HTR2C: variants seen among roughly 807,000 people sequenced by gnomAD.
HTR2C encodes the protein 5-hydroxytryptamine receptor 2C.
In HTR2C, 5 loss-of-function variants were observed where a neutral mutation model predicts 21.0. The ratio of observed to expected loss-of-function variants is 0.24; its 90% confidence interval spans 0.12 to 0.50. The LOEUF is 0.50. Among genes scored for constraint, HTR2C ranks in the 20% least tolerant of loss-of-function variants. HTR2C has a pLI of 0.98. For missense variants in HTR2C, 271 were observed against 371.2 expected (o/e 0.73, Z 2.22); for synonymous variants, 150 against 145.3 (o/e 1.03, Z -0.23).
At chrX:114,857,199 A>T (rs1435219440) in intron 5 of HTR2C, among the ~76,000 whole-genome samples, 1 of 110,955 alleles carries the variant, frequency 9.0e-6, no homozygotes, top group African/African-American at 3.3e-5. Context: ...GTTCTTCCCC[A>T]GGATTCTGTT....
chrX:114,721,105 A>G (rs1933186940), intron 2 of HTR2C, among the ~76,000 whole-genome samples: 1 of 66,982 alleles, frequency 1.5e-5, no homozygotes, highest in Non-Finnish European at 2.7e-5. Flanking sequence ...GACTTCCACA[A>G]TGGTTGAACT....
In HTR2C at chrX:114,623,911, T is replaced by TG. The variant is rs1465273328; in HGVS notation, c.-80+10030_-80+10031insG. The stretch of plus-strand genomic sequence containing the variant: ...TTGTCTCTTTTTTTGTTGTTGTTTT[T>TG]TTTTTTTTTTTTTTTGAGACAGAGT... On this transcript the variant is annotated intron_variant, in intron 2 of 5. Transcript: ENST00000276198. Among the ~76,000 whole-genome samples the TG allele has an allele frequency of 6.0e-3, 568 of 93,912 alleles. 3 individuals are homozygous for TG. Among genetic ancestry groups the TG allele is most frequent in the Non-Finnish European group, 0.011 (507 of 47,192 alleles). 81.6% of individuals were successfully genotyped at this position (93,912 alleles called of 115,157 possible). A position where few individuals can be genotyped will look rare whatever the true frequency, so the allele number is the denominator to read the frequency against.
rs145320604 is a variant in HTR2C, at chrX:114,816,865, G to A, written c.350-31138G>A. 6.7e-3 allele frequency among the ~76,000 whole-genome samples: 734 copies of A among 109,641 alleles called. 8 individuals carry two copies. The highest frequency in any genetic ancestry group is 0.023 in the African/African-American group (707 of 30,359). On this transcript the variant is annotated intron_variant, in intron 4 of 5. Coordinates refer to ENST00000276198, the MANE Select transcript of HTR2C (RefSeq NM_000868.4). ...ATTCTGGGAAGATGAAAATGTTGAC[G>A]ATTTAAAACCTATTCAAAGAAAAAC...
At chrX:114,668,973 C>T (rs1356854777) in intron 2 of HTR2C, among the ~76,000 whole-genome samples, 2 of 110,721 alleles carry the variant, frequency 1.8e-5, no homozygotes, top group Non-Finnish European at 3.8e-5. Flanking sequence ...AGGGTGGTGG[C>T]ACTGTTGACA....
intron 2 of HTR2C, among the ~76,000 whole-genome samples, chrX:114,686,826 C>G (rs1861154440): frequency 9.1e-6 from 1 of 110,342 alleles, no homozygotes; most frequent in African/African-American, 3.3e-5. Flanking sequence ...ATAAAAATAG[C>G]AAAATTTTAT....
At chrX:114,696,288 A>G (rs1053804903) in intron 2 of HTR2C, among the ~76,000 whole-genome samples, 1 of 111,744 alleles carries the variant, frequency 8.9e-6, no homozygotes, top group East Asian at 2.8e-4. Flanking sequence ...ATCTTTGGCA[A>G]TATAGTGACT....
intron 2 of HTR2C, among the ~76,000 whole-genome samples, chrX:114,686,725 A>G (rs1300831696): frequency 9.0e-6 from 1 of 110,889 alleles, no homozygotes; most frequent in Non-Finnish European, 1.9e-5. Flanking sequence ...AAAACAGGTT[A>G]CAAAATACTT....
At chrX:114,871,523 G>A (rs1170465236) in intron 5 of HTR2C, among the ~76,000 whole-genome samples, 1 of 111,064 alleles carries the variant, frequency 9.0e-6, no homozygotes, top group Non-Finnish European at 1.9e-5. Context: ...GTGGAGTGTT[G>A]AAGTCTCTAA....
intron 5 of HTR2C, among the ~76,000 whole-genome samples, chrX:114,891,379 C>A (rs2071257791): frequency 9.1e-6 from 1 of 110,108 alleles, no homozygotes; most frequent in African/African-American, 3.3e-5. Flanking sequence ...TATACATTGA[C>A]ACTCTGGAGC....
intron 4 of HTR2C, among the ~76,000 whole-genome samples, chrX:114,801,162 A>T (rs1482776983): frequency 9.0e-6 from 1 of 111,215 alleles, no homozygotes; most frequent in Non-Finnish European, 1.9e-5. Context: ...TGGCTTTTCT[A>T]TGTTGCTTAA....
intron 4 of HTR2C, among the ~76,000 whole-genome samples, chrX:114,777,723 A>G (rs2070073080): frequency 9.0e-6 from 1 of 110,804 alleles, no homozygotes; most frequent in Non-Finnish European, 1.9e-5. Flanking sequence ...ACACCTGGCT[A>G]ATTTTTGTAT....
chrX:114,881,167 A>T (rs935894550), intron 5 of HTR2C, among the ~76,000 whole-genome samples: 1 of 110,942 alleles, frequency 9.0e-6, no homozygotes, highest in Non-Finnish European at 1.9e-5. Flanking sequence ...TTCTTTGGAG[A>T]AATGTGTTTT....
Position 114,909,757 on chromosome X carries a change from T to G in HTR2C, c.*2342T>G, listed in dbSNP as rs1442284933. 1 of 112,355 alleles carries G rather than the reference T, an allele frequency of 8.9e-6. No individual in the cohort carries two copies. Among genetic ancestry groups the G allele is most frequent in the African/African-American group, 3.2e-5 (1 of 30,856 alleles). The allele number at this position is 112,355 out of a possible 1,213,427, so 9.3% of individuals were successfully genotyped here. Reference sequence around the variant, plus strand: ...TGAAACAAATATACTCATTTGGATATAAATCTTACCCTTCAATGTTAAATC... The same window carrying G: ...TGAAACAAATATACTCATTTGGATAGAAATCTTACCCTTCAATGTTAAATC... On this transcript the variant is annotated 3_prime_UTR_variant, in exon 6 of 6. Transcript: ENST00000276198.
chrX:114,774,051 TTGAG>T (rs1473225424), intron 4 of HTR2C, among the ~76,000 whole-genome samples: 1 of 112,128 alleles, frequency 8.9e-6, no homozygotes, highest in Non-Finnish European at 1.9e-5. Context: ...AAGACACTTA[TTGAG>T]TATCTGCTCT....
chrX:114,688,608 G>A (rs1932002767), intron 2 of HTR2C, among the ~76,000 whole-genome samples: 2 of 111,621 alleles, frequency 1.8e-5, no homozygotes, highest in South Asian at 7.4e-4. Flanking sequence ...GGTTGATAAG[G>A]TGAATTCTAA....
intron 4 of HTR2C, among the ~76,000 whole-genome samples, chrX:114,834,308 G>A (rs1355919332): frequency 9.4e-6 from 1 of 106,638 alleles, no homozygotes. Context: ...GGGTGTTAAA[G>A]TCTCCCATTA....
At chrX:114,718,151 C>T (rs1210274898) in intron 2 of HTR2C, among the ~76,000 whole-genome samples, 1 of 111,207 alleles carries the variant, frequency 9.0e-6, no homozygotes, top group Admixed American at 9.6e-5. Flanking sequence ...GTCCCCAAGC[C>T]CACCCCACAG....
At chrX:114,825,255 C>T (rs782683412) in intron 4 of HTR2C, among the ~76,000 whole-genome samples, 72 of 111,534 alleles carry the variant, frequency 6.5e-4, no homozygotes, top group Non-Finnish European at 1.2e-3. Context: ...AAACCATTAA[C>T]GTTAGAAAAT....
chrX:114,693,569 T>C (rs1240684058), intron 2 of HTR2C, among the ~76,000 whole-genome samples: 1 of 111,345 alleles, frequency 9.0e-6, no homozygotes, highest in Non-Finnish European at 1.9e-5. Flanking sequence ...TTGTGGAGGG[T>C]TGTCCTGTGC....
Sources: allele counts gnomAD v4.1 joint callset (sites outside exome capture counted in the v4.1 genomes callset), GRCh38; gene constraint gnomAD v4.1.1; transcripts MANE v1.5; gene names NCBI Gene and HGNC (gene_info 2026-07-23, HGNC 2026-07-21).